Variants in TASP1 observed in about 807,000 individuals in gnomAD.
TASP1 encodes taspase 1.
A neutral mutation model predicts 56.6 loss-of-function variants in TASP1; 16 were observed. The observed-to-expected ratio is 0.28, with a 90% CI of 0.19 to 0.43. The LOEUF is 0.43. Among genes scored for constraint, TASP1 ranks in the 20% least tolerant of loss-of-function variants. The pLI is 1.00. For missense variants in TASP1, 393 were observed against 511.6 expected (o/e 0.77, Z 2.24); for synonymous variants, 179 against 184.2 (o/e 0.97, Z 0.23).
the TASP1 span, among the ~76,000 whole-genome samples, chr20:13,107,777 TTTTTTTTTTTTTGTATCTG>T: frequency 1.4e-5 from 1 of 69,574 alleles, no homozygotes; most frequent in Non-Finnish European, 2.5e-5. Context: ...AAAATGACCT[TTTTTTTTTTTTTGTATCTG>T]TTGGTTCTGA....
At chr20:13,255,841 A>G in the TASP1 span, among the ~76,000 whole-genome samples, 1 of 152,070 alleles carries the variant, frequency 6.6e-6, no homozygotes, top group Non-Finnish European at 1.5e-5. Context: ...GCCCCTGCCT[A>G]TCAGGCTTTG....
chr20:13,623,888 C>T (rs565893719), intron 3 of TASP1, among the ~76,000 whole-genome samples: 9 of 152,278 alleles, frequency 5.9e-5, no homozygotes, highest in African/African-American at 2.2e-4. Flanking sequence ...TCAAACTAAT[C>T]ATTTCTCCTC....
At chr20:13,203,751 C>T in the TASP1 span, among the ~76,000 whole-genome samples, 1 of 152,080 alleles carries the variant, frequency 6.6e-6, no homozygotes, top group South Asian at 2.1e-4. Context: ...AGTTTATATG[C>T]CTATAAAAAC....
chr20:13,266,103 T>C, the TASP1 span, among the ~76,000 whole-genome samples: 1 of 152,176 alleles, frequency 6.6e-6, no homozygotes, highest in Non-Finnish European at 1.5e-5. Context: ...TTACTCCTCA[T>C]GGGGCAGAAT....
the TASP1 span, among the ~76,000 whole-genome samples, chr20:13,363,803 A>C: frequency 6.6e-6 from 1 of 152,224 alleles, no homozygotes; most frequent in African/African-American, 2.4e-5. Context: ...GGGGGAACCC[A>C]CACATATCTG....
At chr20:13,204,655 T>C in the TASP1 span, among the ~76,000 whole-genome samples, 3 of 152,084 alleles carry the variant, frequency 2.0e-5, no homozygotes, top group Non-Finnish European at 4.4e-5. Flanking sequence ...CTCTCATGAC[T>C]CAGCCTCCCA....
intron 7 of TASP1, among the ~76,000 whole-genome samples, chr20:13,559,638 T>C (rs2046276029): frequency 6.6e-6 from 1 of 152,130 alleles, no homozygotes; most frequent in South Asian, 2.1e-4. Flanking sequence ...AGAGGAAACA[T>C]CTCCCTAGAA....
At chr20:13,377,947 A>G in the TASP1 span, among the ~76,000 whole-genome samples, 12 of 152,028 alleles carry the variant, frequency 7.9e-5, no homozygotes, top group East Asian at 1.7e-3. Flanking sequence ...TATTGTGTCT[A>G]TTTGATTCTT....
the TASP1 span, among the ~76,000 whole-genome samples, chr20:13,282,011 C>G: frequency 6.6e-6 from 1 of 152,188 alleles, no homozygotes; most frequent in South Asian, 2.1e-4. Context: ...GACTCCAGAC[C>G]TACTGAGTCA....
At chr20:13,164,846 G>A in the TASP1 span, 39 of 1,613,246 alleles carry the variant, frequency 2.4e-5, no homozygotes, top group Middle Eastern at 1.6e-4. Context: ...ATGATGAGAC[G>A]AGCTTTGAAC....
chr20:13,225,021 T>TTC, the TASP1 span, among the ~76,000 whole-genome samples: 9 of 150,768 alleles, frequency 6.0e-5, no homozygotes, highest in Non-Finnish European at 1.2e-4. Flanking sequence ...AATTTTTTTT[T>TTC]TTTTTGTATT....
chr20:13,394,379 G>A (rs1222885321), intron 13 of TASP1, among the ~76,000 whole-genome samples: 3 of 150,472 alleles, frequency 2.0e-5, no homozygotes, highest in Admixed American at 1.3e-4. Context: ...GGGAGGCCAA[G>A]GCGGGCGGAT....
intron 6 of TASP1, among the ~76,000 whole-genome samples, chr20:13,576,342 GAAGAAAGAAAGAAAGAAAGAAAGAAAGA>G (rs71188165): frequency 1.2e-3 from 163 of 131,738 alleles, no homozygotes; most frequent in African/African-American, 4.4e-3. Flanking sequence ...AGAAAGAAAG[GAAGAAAGAAAGAAAGAAAGAAAGAAAGA>G]AAGAAAGAAA....
At chr20:13,439,766 A>G (rs541174607) in intron 11 of TASP1, among the ~76,000 whole-genome samples, 1 of 152,190 alleles carries the variant, frequency 6.6e-6, no homozygotes, top group Non-Finnish European at 1.5e-5. Context: ...AAGATGAAAA[A>G]TGAGTCAAAA....
At chr20:13,474,000 G>A (rs185710120) in intron 11 of TASP1, among the ~76,000 whole-genome samples, 227 of 151,100 alleles carry the variant, frequency 1.5e-3, no homozygotes, top group Middle Eastern at 3.4e-3. Context: ...CTAGAGCCCA[G>A]GGGGGTTGTA....
At chr20:13,248,555 A>G in the TASP1 span, among the ~76,000 whole-genome samples, 1 of 152,196 alleles carries the variant, frequency 6.6e-6, no homozygotes, top group Non-Finnish European at 1.5e-5. Flanking sequence ...AGACCATTGA[A>G]CTTTACCTCT....
intron 10 of TASP1, among the ~76,000 whole-genome samples, chr20:13,509,123 A>ATGTGTG: frequency 1.2e-5 from 1 of 83,592 alleles, no homozygotes; most frequent in East Asian, 3.2e-4. Flanking sequence ...TGAATGAAGA[A>ATGTGTG]AGTGTGTGTG....
rs73610494 is a variant in TASP1 at position 13,604,131 on chromosome 20, A to G, written c.283-16761T>C. ...TTGTCCATGCTGTATTCAGAGTTGA[A>G]CCCAATCTCTCTCCCTCACTGCAAA... On this transcript the variant is annotated intron_variant, in intron 4 of 13. Coordinates refer to ENST00000337743, the MANE Select transcript of TASP1 (RefSeq NM_017714.3). Among the ~76,000 whole-genome samples, 455 of 152,086 alleles carry G rather than the reference A, an allele frequency of 3.0e-3. 2 individuals are homozygous for G. The highest frequency in any genetic ancestry group is 5.1e-3 in the Non-Finnish European group (345 of 67,992).
chr20:13,282,481 C>A, the TASP1 span, among the ~76,000 whole-genome samples: 1 of 152,216 alleles, frequency 6.6e-6, no homozygotes, highest in African/African-American at 2.4e-5. Flanking sequence ...ATTAAGAACA[C>A]CCCCTCTATT....
Sources: allele counts gnomAD v4.1 joint callset (sites outside exome capture counted in the v4.1 genomes callset), GRCh38; gene constraint gnomAD v4.1.1; transcripts MANE v1.5; gene names NCBI Gene and HGNC (gene_info 2026-07-23, HGNC 2026-07-21).